NUFIP2: variants seen among roughly 807,000 people sequenced by gnomAD.
NUFIP2 encodes the protein nuclear FMR1 interacting protein 2.
NUFIP2 carries 6 observed loss-of-function variants against 56.9 expected under a neutral mutation model. The ratio of observed to expected loss-of-function variants is 0.11; its 90% CI spans 0.06 to 0.21. The LOEUF is 0.21. Ranked by LOEUF, NUFIP2 falls within the 10% of genes least tolerant of loss-of-function variation. The pLI is 1.00. For missense variants in NUFIP2, 828 were observed against 826.8 expected (o/e 1.00, Z -0.02); for synonymous variants, 321 against 298.2 (o/e 1.08, Z -0.79).
rs1459319687 is a variant in NUFIP2, at chr17:29,264,098, G to A, written c.*441C>T. 1 of 152,568 alleles carries A rather than the reference G, an allele frequency of 6.6e-6. No homozygotes were observed. Among genetic ancestry groups the A allele is most frequent in the Admixed American group, 6.6e-5 (1 of 15,246 alleles). 9.5% of individuals were successfully genotyped at this position (152,568 alleles called of 1,614,324 possible). ...TCATTCTGGGTTCCCCGTGATTAGT[G>A]TATCACTTCAGTCACAGAACAAGAT... On this transcript the variant is annotated 3_prime_UTR_variant, in exon 4 of 4. Transcript: ENST00000225388.
chr17:29,276,233 C>T (rs1451375316), intron 2 of NUFIP2, among the ~76,000 whole-genome samples: 1 of 152,038 alleles, frequency 6.6e-6, no homozygotes, highest in Non-Finnish European at 1.5e-5. Flanking sequence ...TTCCTTTAAA[C>T]AAACTGAATG....
intron 1 of NUFIP2, among the ~76,000 whole-genome samples, chr17:29,290,501 G>GA (rs1198367406): frequency 3.5e-4 from 51 of 146,458 alleles, no homozygotes; most frequent in South Asian, 1.1e-3. Context: ...CTAAAAAAAA[G>GA]AAAAAAAAAA....
intron 2 of NUFIP2, among the ~76,000 whole-genome samples, chr17:29,285,074 G>A (rs905086557): frequency 5.9e-5 from 9 of 151,782 alleles, no homozygotes; most frequent in South Asian, 4.2e-4. Context: ...AAGCAGAGGC[G>A]GGCGGATCAC....
At chr17:29,267,590 C>G (rs1169664231) in intron 2 of NUFIP2, 60 bp from the exon 3 acceptor site, 1 of 1,055,462 alleles carries the variant, frequency 9.5e-7, no homozygotes, top group Non-Finnish European at 1.4e-6. Flanking sequence ...TGAAGCGATG[C>G]TTTTCATTTT....
chr17:29,288,952 T>A (rs1320819965), intron 1 of NUFIP2, among the ~76,000 whole-genome samples: 1 of 152,110 alleles, frequency 6.6e-6, no homozygotes, highest in Admixed American at 6.6e-5. Context: ...AAGACCAGCC[T>A]GGGCAACATG....
In NUFIP2 at chr17:29,264,055, TGG is replaced by T. The variant is rs1314753572; in HGVS notation, c.*482_*483del. ...AAAACCAAAAAGATCAAGGGAGGAG[TGG>T]GGGGAAAATGTTGAATCATTCTGGG... On this transcript the variant is annotated 3_prime_UTR_variant, in exon 4 of 4. Coordinates refer to ENST00000225388, the MANE Select transcript of NUFIP2 (RefSeq NM_020772.3). 6.6e-6 allele frequency: 1 copy of T among 152,356 alleles called. No homozygotes were observed. Among genetic ancestry groups the T allele is most frequent in the Non-Finnish European group, 1.5e-5 (1 of 67,978 alleles). 9.4% of individuals were successfully genotyped at this position (152,356 alleles called of 1,614,324 possible).
At position 29,259,605 on chromosome 17, in the gene NUFIP2, A is replaced by G. The variant is rs1199466837; in HGVS notation, c.*4934T>C. ...AAAAAAAGGTGGGGGGGGGGGGGAT[A>G]CTGCAGTATTATAAAATGGCTTTAG... On this transcript the variant is annotated 3_prime_UTR_variant, in exon 4 of 4. Coordinates refer to ENST00000225388, the MANE Select transcript of NUFIP2 (RefSeq NM_020772.3). 1 of 142,150 alleles carries G rather than the reference A, an allele frequency of 7.0e-6. No homozygotes were observed. The highest frequency in any genetic ancestry group is 2.1e-4 in the East Asian group (1 of 4,826). The allele number at this position is 142,150 out of a possible 1,614,324, so 8.8% of individuals were successfully genotyped here. A position where few individuals can be genotyped will look rare whatever the true frequency, so the allele number is the denominator to read the frequency against.
rs144339734 is a variant in NUFIP2, at chr17:29,266,359, A to G, written c.2035+1139T>C. On this transcript the variant is annotated intron_variant, in intron 3 of 3. Coordinates refer to ENST00000225388, the MANE Select transcript of NUFIP2 (RefSeq NM_020772.3). ...GAAGAAAGAGCAACATTGGGAAATC[A>G]GGGGAAGCTACATTCTAGTCCTGCC... Among the ~76,000 whole-genome samples the G allele has an allele frequency of 2.7e-3, 416 of 152,118 alleles. 2 individuals are homozygous for G. Among genetic ancestry groups the G allele is most frequent in the African/African-American group, 9.5e-3 (393 of 41,558 alleles).
rs999769041 is a variant in NUFIP2 at position 29,292,884 on chromosome 17, G to GGA, written c.277+898_277+899insTC. ...GTTACACAACCCCGGCCGGCGACGG[G>GGA]GGGGGGGGCGGCCGCGGTGCGGGGG... On this transcript the variant is annotated intron_variant, in intron 1 of 3. Transcript: ENST00000225388. Among the ~76,000 whole-genome samples, 8 of 141,172 alleles carry GGA rather than the reference G, an allele frequency of 5.7e-5. 1 individual carries two copies. Among genetic ancestry groups the GGA allele is most frequent in the South Asian group, 2.2e-4 (1 of 4,556 alleles). The allele number at this position is 141,172 out of a possible 152,430, so 92.6% of individuals were successfully genotyped here. A position where few individuals can be genotyped will look rare whatever the true frequency, so the allele number is the denominator to read the frequency against.
At chr17:29,267,975 T>G (rs762597682) in intron 2 of NUFIP2, among the ~76,000 whole-genome samples, 5 of 152,150 alleles carry the variant, frequency 3.3e-5, no homozygotes, top group Non-Finnish European at 7.4e-5. Flanking sequence ...CTCGGCTCAC[T>G]GCAACCTCCG....
rs1369020433 is a variant in NUFIP2, at chr17:29,263,353, G to C, written c.*1186C>G. The C allele has an allele frequency of 6.6e-6, 1 of 152,480 alleles. No homozygotes were observed. Among genetic ancestry groups the C allele is most frequent in the Non-Finnish European group, 1.5e-5 (1 of 68,012 alleles). The allele number at this position is 152,480 out of a possible 1,614,324, so 9.4% of individuals were successfully genotyped here. ...TTCCTTAAAAACCCATCTTGCTCTA[G>C]TAATAAAATATATTTATTAAGATAT... On this transcript the variant is annotated 3_prime_UTR_variant, in exon 4 of 4. Transcript: ENST00000225388.
At chr17:29,285,696 T>C (rs1277703901) in intron 2 of NUFIP2, among the ~76,000 whole-genome samples, 1 of 151,498 alleles carries the variant, frequency 6.6e-6, no homozygotes, top group Non-Finnish European at 1.5e-5. Context: ...CAAGAGAAAA[T>C]ATAACATCAA....
At position 29,286,339 on chromosome 17, in the gene NUFIP2, A is replaced by G; in HGVS notation, c.1655T>C (p.Ile552Thr). Residue 552 changes from isoleucine (I) to threonine (T), a missense_variant, in exon 2 of 4, where the codon ATT becomes ACT. Transcript: ENST00000225388. The stretch of plus-strand genomic sequence containing the variant: ...CACAGGATGCTCAGTTCCTGAGGGA[A>G]TTATTTCAGCACCCTGTGAAACCAA... ...ATLVSQGAEI[I>T]PSGTEHPVFP... 6.2e-7 allele frequency: 1 copy of G among 1,614,142 alleles called. No individual in the cohort carries two copies. Among genetic ancestry groups the G allele is most frequent in the Non-Finnish European group, 8.5e-7 (1 of 1,180,020 alleles).
At chr17:29,274,290 TG>T (rs1321606542) in intron 2 of NUFIP2, among the ~76,000 whole-genome samples, 17 of 152,138 alleles carry the variant, frequency 1.1e-4, no homozygotes, top group African/African-American at 3.9e-4. Context: ...AGCAAGATGG[TG>T]AGACCCTATG....
chr17:29,289,332 C>T (rs577396818), intron 1 of NUFIP2, among the ~76,000 whole-genome samples: 2 of 152,088 alleles, frequency 1.3e-5, no homozygotes, highest in East Asian at 3.9e-4. Context: ...GTGGCTAATG[C>T]CTATAATCCC....
chr17:29,282,037 C>G (rs1038009140), intron 2 of NUFIP2, among the ~76,000 whole-genome samples: 1 of 151,664 alleles, frequency 6.6e-6, no homozygotes, highest in African/African-American at 2.4e-5. Context: ...GCTGGGATTA[C>G]AGGCGTGAGC....
At position 29,287,217 on chromosome 17, in the gene NUFIP2, T is replaced by C; in HGVS notation, c.777A>G (p.Glu259=). 6.2e-7 allele frequency: 1 copy of C among 1,614,200 alleles called. No homozygotes were observed. The highest frequency in any genetic ancestry group is 8.5e-7 in the Non-Finnish European group (1 of 1,180,040). The change falls in exon 2 of 4, where the codon GAA becomes GAG. Residue 259 remains glutamate, a synonymous_variant. Transcript: ENST00000225388. The part of the protein sequence containing the change: ...TSVPTLKQGL[E]TFKPDYSEQK... ...GTTCACTATAGTCAGGCTTGAAAGT[T>C]TCAAGTCCCTGTTTTAAGGTTGGGA... is the stretch of plus-strand genomic sequence containing the variant.
intron 2 of NUFIP2, among the ~76,000 whole-genome samples, chr17:29,285,501 G>C (rs958289654): frequency 6.9e-6 from 1 of 144,256 alleles, no homozygotes; most frequent in South Asian, 2.2e-4. Flanking sequence ...TGAGGCAGGA[G>C]AATCACTTGA....
rs2069021111 is a variant in NUFIP2 at position 29,264,295 on chromosome 17, T to C, written c.*244A>G. Reference sequence around the variant, plus strand: ...AAAAAACCTATTCAGTACCGGAGATTAAATAACCATGTGTAGTCTCTTGAA... The same window carrying C: ...AAAAAACCTATTCAGTACCGGAGATCAAATAACCATGTGTAGTCTCTTGAA... On this transcript the variant is annotated 3_prime_UTR_variant, in exon 4 of 4. Coordinates refer to ENST00000225388, the MANE Select transcript of NUFIP2 (RefSeq NM_020772.3). The C allele has an allele frequency of 5.8e-6, 1 of 171,728 alleles. No individual in the cohort carries two copies. The highest frequency in any genetic ancestry group is 2.4e-5 in the African/African-American group (1 of 41,788). The allele number at this position is 171,728 out of a possible 1,614,324, so 10.6% of individuals were successfully genotyped here.
Sources: allele counts gnomAD v4.1 joint callset (sites outside exome capture counted in the v4.1 genomes callset), GRCh38; gene constraint gnomAD v4.1.1; transcripts MANE v1.5; gene names NCBI Gene and HGNC (gene_info 2026-07-23, HGNC 2026-07-21).